The following NEBL variants were observed in gnomAD, a reference collection of about 807,000 sequenced individuals.
NEBL encodes LIM and SH3 protein 2.
A neutral mutation model predicts 140.2 loss-of-function variants in NEBL; 122 were observed. That is an observed-to-expected ratio of 0.87 (90% CI 0.75 to 1.01). NEBL has a LOEUF of 1.01. Ranked by LOEUF, NEBL falls within the 50% of genes least tolerant of loss-of-function variation. NEBL has a pLI of 0.00. For synonymous variants in NEBL, 436 were observed against 398.9 expected (o/e 1.09, Z -1.11); for missense variants, 1,365 against 1,231.3 (o/e 1.11, Z -1.62).
intron 3 of NEBL, among the ~76,000 whole-genome samples, chr10:21,217,537 G>A (rs1214757155): frequency 6.6e-6 from 1 of 152,170 alleles, no homozygotes; most frequent in African/African-American, 2.4e-5. Context: ...GATAGCATCT[G>A]CTGTTGAGAA....
At chr10:21,146,709 C>A in intron 2 of NEBL, 1 of 514,582 alleles carries the variant, frequency 1.9e-6, no homozygotes, top group South Asian at 3.3e-5. Flanking sequence ...AATTGCAATG[C>A]CCTGGTAAAG....
At chr10:21,133,041 C>T (rs1268790671) in intron 2 of NEBL, among the ~76,000 whole-genome samples, 1 of 152,142 alleles carries the variant, frequency 6.6e-6, no homozygotes, top group African/African-American at 2.4e-5. Flanking sequence ...ATATATAAAA[C>T]CACTGCCTAA....
At chr10:20,817,551 G>A (rs758214223) in intron 21 of NEBL, 49 bp downstream of exon 21, 13 of 1,369,242 alleles carry the variant, frequency 9.5e-6, no homozygotes, top group African/African-American at 1.4e-5. Flanking sequence ...ATTCACACGT[G>A]GACAATGCAT....
intron 4 of NEBL, among the ~76,000 whole-genome samples, chr10:20,881,936 G>T (rs1395644056): frequency 1.3e-5 from 2 of 152,176 alleles, no homozygotes; most frequent in Non-Finnish European, 2.9e-5. Flanking sequence ...AAAGTAGGCT[G>T]GACTCAGTGG....
At chr10:21,139,916 T>C (rs914252481) in intron 2 of NEBL, among the ~76,000 whole-genome samples, 78 of 148,168 alleles carry the variant, frequency 5.3e-4, no homozygotes, top group African/African-American at 1.9e-3. Context: ...TTTGGGAGGC[T>C]GAGGCAGGCA....
chr10:21,205,059 A>G (rs79908097), intron 3 of NEBL, among the ~76,000 whole-genome samples: 1,687 of 152,358 alleles, frequency 0.011, 26 homozygotes, highest in African/African-American at 0.038. Context: ...TTTGCAACTA[A>G]GAATGCTCAC....
chr10:21,135,620 T>C (rs149969003), intron 2 of NEBL, among the ~76,000 whole-genome samples: 119 of 152,234 alleles, frequency 7.8e-4, no homozygotes, highest in African/African-American at 2.6e-3. Flanking sequence ...ACAGCTCCTA[T>C]GGGTGCACCA....
At chr10:21,012,021 G>A (rs1036447590) in intron 3 of NEBL, among the ~76,000 whole-genome samples, 32 of 152,240 alleles carry the variant, frequency 2.1e-4, no homozygotes, top group African/African-American at 7.7e-4. Flanking sequence ...TGAGGTGGGA[G>A]GAGATTGGGA....
rs1834922915 is a variant in NEBL at position 20,779,985 on chromosome 10, G to A, written c.*5762C>T. On this transcript the variant is annotated 3_prime_UTR_variant, in exon 28 of 28. Transcript: ENST00000377122. ...AGAAAATCCAATATTTGGAAGAAGT[G>A]TTTATTCTACGAGCAGATGTCATCC... 6.6e-6 allele frequency: 1 copy of A among 152,146 alleles called. No individual in the cohort carries two copies. Among genetic ancestry groups the A allele is most frequent in the South Asian group, 2.1e-4 (1 of 4,832 alleles). 9.4% of individuals were successfully genotyped at this position (152,146 alleles called of 1,614,324 possible).
rs1835283714 is a variant in NEBL at position 20,784,922 on chromosome 10, T to G, written c.*825A>C. 1 of 152,640 alleles carries G rather than the reference T, an allele frequency of 6.6e-6. No individual in the cohort carries two copies. Among genetic ancestry groups the G allele is most frequent in the Admixed American group, 6.5e-5 (1 of 15,280 alleles). The allele number at this position is 152,640 out of a possible 1,614,324, so 9.5% of individuals were successfully genotyped here. On this transcript the variant is annotated 3_prime_UTR_variant, in exon 28 of 28. Coordinates refer to ENST00000377122, the MANE Select transcript of NEBL (RefSeq NM_006393.3). ...GTATCAGTCACCCTTTTTGCTTCAA[T>G]AATAGGAACGCGCAGTGCAGCTGCC...
Position 21,123,803 on chromosome 10 carries a change from T to C in NEBL, c.164+48580A>G, listed in dbSNP as rs1222636763. The stretch of plus-strand genomic sequence containing the variant: ...TATAATTTTATATATTATATAAATA[T>C]ACATAATCTCCAATTGGTTGTATAT... On this transcript the variant is annotated intron_variant, in intron 2 of 6. Transcript: ENST00000417816. Among the ~76,000 whole-genome samples the C allele has an allele frequency of 2.0e-5, 3 of 150,724 alleles. No homozygotes were observed. In the South Asian group the frequency reaches 6.2e-4, roughly 31 times the overall value.
At chr10:21,265,050 G>A (rs1842782770) in intron 1 of NEBL, among the ~76,000 whole-genome samples, 1 of 151,992 alleles carries the variant, frequency 6.6e-6, no homozygotes, top group Admixed American at 6.6e-5. Context: ...AGCCTCCCGA[G>A]TAGCTGGGAT....
intron 4 of NEBL, among the ~76,000 whole-genome samples, chr10:20,932,743 T>C (rs1478090699): frequency 1.3e-5 from 2 of 152,248 alleles, no homozygotes; most frequent in African/African-American, 4.8e-5. Flanking sequence ...TATTTGTCGA[T>C]ACTAATCGTT....
intron 2 of NEBL, among the ~76,000 whole-genome samples, chr10:21,158,122 A>T (rs536320666): frequency 2.6e-5 from 4 of 152,314 alleles, no homozygotes; most frequent in East Asian, 3.9e-4. Flanking sequence ...AAGCCTAGCA[A>T]ACTATGACAG....
intron 2 of NEBL, among the ~76,000 whole-genome samples, chr10:21,122,117 C>G (rs1185585934): frequency 3.3e-5 from 5 of 152,008 alleles, no homozygotes; most frequent in African/African-American, 1.2e-4. Context: ...CCTCCACCTC[C>G]CAGGTTCAAG....
At chr10:20,835,302 C>T (rs988320668) in intron 14 of NEBL, among the ~76,000 whole-genome samples, 1 of 152,164 alleles carries the variant, frequency 6.6e-6, no homozygotes, top group East Asian at 1.9e-4. Context: ...AAAATGCCTT[C>T]CACCAAGCTT....
intron 3 of NEBL, among the ~76,000 whole-genome samples, chr10:21,223,554 T>C (rs1323133958): frequency 6.6e-6 from 1 of 152,250 alleles, no homozygotes; most frequent in Non-Finnish European, 1.5e-5. Context: ...CTTTCTTTTG[T>C]GTATACACCT....
chr10:21,263,002 G>C (rs1158984120), intron 1 of NEBL, among the ~76,000 whole-genome samples: 2 of 152,192 alleles, frequency 1.3e-5, no homozygotes, highest in African/African-American at 4.8e-5. Context: ...CAGCCCCTTT[G>C]GTGGGCTTCT....
chr10:21,202,623 C>T (rs1255108453), intron 3 of NEBL, among the ~76,000 whole-genome samples: 1 of 151,870 alleles, frequency 6.6e-6, no homozygotes, highest in East Asian at 1.9e-4. Flanking sequence ...CCACCATGCC[C>T]GGCTAATTTT....
Sources: gnomAD v4.1 joint callset for allele counts (sites outside exome capture counted in the v4.1 genomes callset) on GRCh38, gnomAD v4.1.1 for gene constraint, MANE v1.5 for transcripts, NCBI Gene and HGNC (gene_info 2026-07-23, HGNC 2026-07-21) for gene names.